CNTN5: variants seen among roughly 807,000 people sequenced by gnomAD.
CNTN5 encodes contactin 5.
In CNTN5, 77 loss-of-function variants were observed where a neutral mutation model predicts 129.1. The observed-to-expected ratio is 0.60, with a 90% confidence interval of 0.50 to 0.72. CNTN5 has a LOEUF of 0.72. Ranked by LOEUF, CNTN5 falls within the 30% of genes least tolerant of loss-of-function variation. CNTN5 has a pLI of 0.00. For synonymous variants in CNTN5, 509 were observed against 465.6 expected (o/e 1.09, Z -1.20); for missense variants, 1,478 against 1,328.8 (o/e 1.11, Z -1.75).
intron 13 of CNTN5, among the ~76,000 whole-genome samples, chr11:100,096,225 G>C (rs1278257010): frequency 6.6e-6 from 1 of 152,056 alleles, no homozygotes; most frequent in Non-Finnish European, 1.5e-5. Flanking sequence ...CTATTTGCTT[G>C]ACGTGTAGTC....
At chr11:99,935,966 C>T (rs1270000744) in intron 7 of CNTN5, among the ~76,000 whole-genome samples, 1 of 152,152 alleles carries the variant, frequency 6.6e-6, no homozygotes, top group Non-Finnish European at 1.5e-5. Flanking sequence ...TTATAGAGGG[C>T]ATTCATTGCC....
chr11:99,900,500 T>A (rs1354279970), intron 6 of CNTN5, among the ~76,000 whole-genome samples: 1 of 152,150 alleles, frequency 6.6e-6, no homozygotes, highest in East Asian at 1.9e-4. Flanking sequence ...TTGCCTTTGC[T>A]GTATCCCAGA....
intron 17 of CNTN5, among the ~76,000 whole-genome samples, chr11:100,258,821 C>G (rs565101041): frequency 3.3e-5 from 5 of 152,076 alleles, no homozygotes; most frequent in Non-Finnish European, 7.4e-5. Context: ...GGAAAAAACC[C>G]ATACAGCCTC....
At chr11:100,150,811 C>G (rs1264915090) in intron 13 of CNTN5, among the ~76,000 whole-genome samples, 2 of 152,054 alleles carry the variant, frequency 1.3e-5, no homozygotes, top group Non-Finnish European at 2.9e-5. Context: ...ATCTTTGTGT[C>G]TCCGAAAAAT....
At chr11:99,758,871 A>G (rs1274152787) in intron 3 of CNTN5, among the ~76,000 whole-genome samples, 3 of 152,082 alleles carry the variant, frequency 2.0e-5, no homozygotes, top group African/African-American at 7.2e-5. Context: ...TGAGAAAAAC[A>G]TGTAATAAAT....
intron 2 of CNTN5, among the ~76,000 whole-genome samples, chr11:99,398,100 C>CCATT (rs749336804): frequency 4.6e-5 from 7 of 151,852 alleles, no homozygotes; most frequent in Non-Finnish European, 5.9e-5. Flanking sequence ...TGTCAGCCAT[C>CCATT]CATTGACTTT....
chr11:99,268,072 A>G (rs963046416), intron 1 of CNTN5, among the ~76,000 whole-genome samples: 17 of 151,936 alleles, frequency 1.1e-4, no homozygotes, highest in Admixed American at 9.2e-4. Flanking sequence ...ATTTTAAATC[A>G]TCACTCTGCT....
chr11:99,990,447 T>TACACACACACACACACACACAC (rs774953191), intron 8 of CNTN5, among the ~76,000 whole-genome samples: 4 of 77,038 alleles, frequency 5.2e-5, no homozygotes, highest in African/African-American at 1.8e-4. Flanking sequence ...TTTTAGAATA[T>TACACACACACACACACACACAC]ATATATATAC....
chr11:99,080,980 G>T (rs1284799204), intron 1 of CNTN5, among the ~76,000 whole-genome samples: 84 of 112,408 alleles, frequency 7.5e-4, no homozygotes, highest in East Asian at 6.9e-3. Context: ...TGAGAAATCA[G>T]TTTTTTTTTT....
chr11:100,076,796 A>G (rs1353004194), intron 13 of CNTN5, among the ~76,000 whole-genome samples: 1 of 152,108 alleles, frequency 6.6e-6, no homozygotes, highest in East Asian at 1.9e-4. Flanking sequence ...GCCCAGACAT[A>G]TATTGCATTT....
Position 100,156,173 on chromosome 11 carries a change from T to C in CNTN5, c.1581-34953T>C, listed in dbSNP as rs185157523. 2.6e-5 allele frequency among the ~76,000 whole-genome samples: 4 copies of C among 151,920 alleles called. No homozygotes were observed. The East Asian group carries it at 7.8e-4, about 29-fold the overall frequency. ...AATAGCTCTTATTATTTTGATATGT[T>C]CCATCAATGCCTAGTTTATTTAGAG... On this transcript the variant is annotated intron_variant, in intron 13 of 24. Coordinates refer to ENST00000524871, the MANE Select transcript of CNTN5 (RefSeq NM_014361.4).
chr11:99,067,186 TCTC>T (rs59169855), intron 1 of CNTN5, among the ~76,000 whole-genome samples: 4,054 of 152,196 alleles, frequency 0.027, 146 homozygotes, highest in African/African-American at 0.077. Flanking sequence ...TGCTTAGAAA[TCTC>T]CTATAGATTT....
chr11:100,065,443 T>C (rs913774181), intron 10 of CNTN5, among the ~76,000 whole-genome samples: 1 of 152,120 alleles, frequency 6.6e-6, no homozygotes, highest in African/African-American at 2.4e-5. Flanking sequence ...ACTAAGGAAC[T>C]AATGAAGGGA....
intron 9 of CNTN5, among the ~76,000 whole-genome samples, chr11:100,022,940 C>T (rs1327090091): frequency 6.6e-6 from 1 of 151,982 alleles, no homozygotes; most frequent in East Asian, 1.9e-4. Context: ...TCTCTGACTG[C>T]TTTCAAGATT....
At chr11:99,745,787 C>T (rs890829250) in intron 3 of CNTN5, among the ~76,000 whole-genome samples, 2 of 151,504 alleles carry the variant, frequency 1.3e-5, no homozygotes, top group African/African-American at 4.9e-5. Context: ...TTGTTAGGCA[C>T]ATGTGACACA....
intron 2 of CNTN5, among the ~76,000 whole-genome samples, chr11:99,528,071 G>T (rs1947555377): frequency 6.6e-6 from 1 of 152,092 alleles, no homozygotes; most frequent in East Asian, 1.9e-4. Context: ...AAATACTATT[G>T]GAAAGCTTTG....
At chr11:99,405,104 C>T (rs1942014277) in intron 2 of CNTN5, among the ~76,000 whole-genome samples, 1 of 152,090 alleles carries the variant, frequency 6.6e-6, no homozygotes, top group East Asian at 1.9e-4. Context: ...ATTGGAGCTC[C>T]ATTGTCTGTC....
chr11:99,212,464 G>A (rs1336850223), intron 1 of CNTN5, among the ~76,000 whole-genome samples: 1 of 152,034 alleles, frequency 6.6e-6, no homozygotes, highest in Non-Finnish European at 1.5e-5. Flanking sequence ...CACGTCGAAG[G>A]TGCTTCTGAG....
At chr11:100,049,314 A>G (rs1469697678) in intron 9 of CNTN5, among the ~76,000 whole-genome samples, 1 of 152,116 alleles carries the variant, frequency 6.6e-6, no homozygotes, top group African/African-American at 2.4e-5. Flanking sequence ...ACCGGTAAGC[A>G]TAATATTGTC....
Sources: allele counts gnomAD v4.1 joint callset (sites outside exome capture counted in the v4.1 genomes callset), GRCh38; gene constraint gnomAD v4.1.1; transcripts MANE v1.5; gene names NCBI Gene and HGNC (gene_info 2026-07-23, HGNC 2026-07-21).